Variants in SGCZ observed in about 807,000 individuals in gnomAD.
SGCZ encodes the protein zeta-sarcoglycan.
SGCZ carries 40 observed loss-of-function variants against 41.3 expected under a neutral mutation model. The observed-to-expected ratio is 0.97, with a 90% CI of 0.75 to 1.26. The LOEUF is 1.26. Among genes scored for constraint, SGCZ ranks in the 50% most tolerant of loss-of-function variants. The pLI, the probability that SGCZ is intolerant of heterozygous loss-of-function variation, is 0.00. For missense variants in SGCZ, 552 were observed against 369.8 expected, an observed-to-expected ratio of 1.49 and a Z score of -4.04; for synonymous variants, 206 against 137.5, an observed-to-expected ratio of 1.50 and a Z score of -3.49.
chr8:14,600,582 G>A (rs1805559244), intron 1 of SGCZ, among the ~76,000 whole-genome samples: 1 of 152,122 alleles, frequency 6.6e-6, no homozygotes. Context: ...TTCTCCACAG[G>A]AGGATGCAGG....
intron 2 of SGCZ, among the ~76,000 whole-genome samples, chr8:14,377,389 T>A (rs1248799206): frequency 2.0e-5 from 3 of 152,182 alleles, no homozygotes; most frequent in Admixed American, 6.5e-5. Context: ...CTGAGCCACA[T>A]AATTTATAAT....
At chr8:14,946,401 A>G (rs1800447223) in intron 1 of SGCZ, among the ~76,000 whole-genome samples, 1 of 151,900 alleles carries the variant, frequency 6.6e-6, no homozygotes, top group South Asian at 2.1e-4. Context: ...TTTGCATTTC[A>G]TTTCTAACTG....
rs59928462 is a variant in SGCZ, at chr8:15,056,562, G to T, written c.39+181023C>A. 5.2e-3 allele frequency among the ~76,000 whole-genome samples: 786 copies of T among 151,158 alleles called. 5 individuals are homozygous for T. Among genetic ancestry groups the T allele is most frequent in the African/African-American group, 0.018 (746 of 41,244 alleles). Reference sequence around the variant, plus strand: ...GGTGAGCAAAAAAAAAAAAACATTAGAAATGATAGTGTCTAAATGTAGATA... The same window carrying T: ...GGTGAGCAAAAAAAAAAAAACATTATAAATGATAGTGTCTAAATGTAGATA... On this transcript the variant is annotated intron_variant, in intron 1 of 7. Transcript: ENST00000382080.
intron 2 of SGCZ, among the ~76,000 whole-genome samples, chr8:14,446,618 A>C (rs1406458270): frequency 6.6e-6 from 1 of 152,182 alleles, no homozygotes; most frequent in Non-Finnish European, 1.5e-5. Context: ...TCCTTCAATG[A>C]CATTATGTAC....
intron 1 of SGCZ, among the ~76,000 whole-genome samples, chr8:14,753,972 A>T (rs1313568205): frequency 6.6e-6 from 1 of 152,184 alleles, no homozygotes; most frequent in African/African-American, 2.4e-5. Context: ...AATATGAAAT[A>T]AATAAAGTGG....
chr8:14,243,021 G>A (rs776583327), intron 3 of SGCZ, among the ~76,000 whole-genome samples: 2 of 152,166 alleles, frequency 1.3e-5, no homozygotes, highest in Non-Finnish European at 2.9e-5. Context: ...TATCATCCAG[G>A]TTTTGGTAGC....
chr8:14,318,369 A>G (rs1428269944), intron 3 of SGCZ, among the ~76,000 whole-genome samples: 1 of 151,920 alleles, frequency 6.6e-6, no homozygotes, highest in Non-Finnish European at 1.5e-5. Flanking sequence ...ATTTTTTTGA[A>G]CAACCAACAA....
At chr8:14,906,369 G>A (rs1019754808) in intron 1 of SGCZ, among the ~76,000 whole-genome samples, 1 of 152,072 alleles carries the variant, frequency 6.6e-6, no homozygotes, top group Admixed American at 6.6e-5. Flanking sequence ...TACCTGCAAA[G>A]CTTACAAAAG....
intron 1 of SGCZ, among the ~76,000 whole-genome samples, chr8:14,889,225 A>T (rs1186317412): frequency 6.6e-6 from 1 of 151,964 alleles, no homozygotes; most frequent in Non-Finnish European, 1.5e-5. Flanking sequence ...GAGGCAAGAA[A>T]CTATTTTTGA....
At chr8:14,543,100 T>G (rs1315228094) in intron 2 of SGCZ, among the ~76,000 whole-genome samples, 1 of 151,940 alleles carries the variant, frequency 6.6e-6, no homozygotes, top group Non-Finnish European at 1.5e-5. Flanking sequence ...TTAGGAACAT[T>G]GGCACCATTA....
At chr8:14,397,569 T>C (rs936206295) in intron 2 of SGCZ, among the ~76,000 whole-genome samples, 4 of 152,170 alleles carry the variant, frequency 2.6e-5, no homozygotes, top group African/African-American at 9.7e-5. Context: ...TTGCATATAA[T>C]ACATGGTAAA....
At chr8:14,573,527 C>T (rs1055576022) in intron 1 of SGCZ, among the ~76,000 whole-genome samples, 2 of 152,118 alleles carry the variant, frequency 1.3e-5, no homozygotes, top group African/African-American at 4.8e-5. Context: ...TTACCAATTT[C>T]TCCTACCTTT....
chr8:15,101,791 A>T (rs778383926), intron 1 of SGCZ, among the ~76,000 whole-genome samples: 4 of 152,208 alleles, frequency 2.6e-5, no homozygotes, highest in Non-Finnish European at 4.4e-5. Flanking sequence ...TTAGCTGGGC[A>T]TGGTCGTGCA....
intron 2 of SGCZ, among the ~76,000 whole-genome samples, chr8:14,519,103 C>G (rs1222918294): frequency 1.3e-5 from 2 of 150,502 alleles, no homozygotes. Flanking sequence ...ATATATAGTG[C>G]CTGCATTTTC....
At chr8:14,222,403 T>G (rs1055782589) in intron 4 of SGCZ, among the ~76,000 whole-genome samples, 8 of 151,904 alleles carry the variant, frequency 5.3e-5, no homozygotes, top group African/African-American at 1.7e-4. Context: ...CTCCTGACCT[T>G]GTGATCCACC....
At chr8:15,136,294 T>A (rs548555108) in intron 1 of SGCZ, among the ~76,000 whole-genome samples, 1 of 152,206 alleles carries the variant, frequency 6.6e-6, no homozygotes, top group East Asian at 1.9e-4. Context: ...GCAATGAGTT[T>A]ATTGGATGGT....
At chr8:14,202,064 T>C (rs542020192) in intron 4 of SGCZ, among the ~76,000 whole-genome samples, 2 of 152,160 alleles carry the variant, frequency 1.3e-5, no homozygotes, top group African/African-American at 2.4e-5. Context: ...TGGTTGCAGA[T>C]AGAATTAAGG....
rs569812676 is a variant in SGCZ, at chr8:15,121,350, T to C, written c.39+116235A>G. Among the ~76,000 whole-genome samples the C allele has an allele frequency of 1.8e-4, 28 of 152,316 alleles. No individual in the cohort carries two copies. In the South Asian group the frequency reaches 5.6e-3, roughly 30 times the overall value. ...ATTTCTTTTAGGCCCAGCTAGTATA[T>C]TGGTTCTAGGTACACGATTCTTAAA... On this transcript the variant is annotated intron_variant, in intron 1 of 7. Transcript: ENST00000382080.
At chr8:14,823,491 T>C (rs149902798) in intron 1 of SGCZ, among the ~76,000 whole-genome samples, 1 of 152,310 alleles carries the variant, frequency 6.6e-6, no homozygotes, top group African/African-American at 2.4e-5. Context: ...TCAACATTTC[T>C]AATCGTCAAG....
Sources: gnomAD v4.1 joint callset for allele counts (sites outside exome capture counted in the v4.1 genomes callset) on GRCh38, gnomAD v4.1.1 for gene constraint, MANE v1.5 for transcripts, NCBI Gene and HGNC (gene_info 2026-07-23, HGNC 2026-07-21) for gene names.